The following SLC16A7 variants were observed in gnomAD, a reference collection of about 807,000 sequenced individuals.
SLC16A7 encodes the protein monocarboxylate transporter 2.
In SLC16A7, 33 loss-of-function variants were observed where a neutral mutation model predicts 34.9. That is an observed-to-expected ratio of 0.94 (90% CI 0.72 to 1.26). The LOEUF is 1.26. Ranked by LOEUF, SLC16A7 falls within the 50% of genes most tolerant of loss-of-function variation. SLC16A7 has a pLI of 0.00. For synonymous variants in SLC16A7, 201 were observed against 206.6 expected, an observed-to-expected ratio of 0.97 and a Z score of 0.23; for missense variants, 573 against 578.1, an observed-to-expected ratio of 0.99 and a Z score of 0.09.
rs369725295 is a variant in SLC16A7, at chr12:59,632,262, T to C, written c.-129-22890T>C. Among the ~76,000 whole-genome samples the C allele has an allele frequency of 9.0e-4, 137 of 152,160 alleles. 4 individuals are homozygous for C. The highest frequency in any genetic ancestry group is 3.4e-3 in the Middle Eastern group (1 of 294). ...CATCTGCTTTGACTTTTATGCACTT[T>C]TAACAAAGTATGATTTTAGATTTGT... On this transcript the variant is annotated intron_variant, in intron 1 of 5. Transcript: ENST00000547379.
intron 2 of SLC16A7, among the ~76,000 whole-genome samples, chr12:59,686,742 T>C (rs186696517): frequency 6.6e-6 from 1 of 152,264 alleles, no homozygotes; most frequent in African/African-American, 2.4e-5. Flanking sequence ...CTCTTTTCCC[T>C]GCTACATTCC....
At position 59,704,286 on chromosome 12, in the gene SLC16A7, A is replaced by T. The variant is rs1034968205; in HGVS notation, c.-30-486A>T. On this transcript the variant is annotated intron_variant, in intron 2 of 5. Coordinates refer to ENST00000547379, the MANE Select transcript of SLC16A7 (RefSeq NM_001270623.2). ...TATCTCTACAATCATCAAAAAGCGT[A>T]GACAACAGAAAGCAATAAAAAAAGC... Among the ~76,000 whole-genome samples the T allele has an allele frequency of 2.6e-5, 4 of 151,974 alleles. No homozygotes were observed. In the East Asian group the frequency reaches 7.7e-4, roughly 29 times the overall value.
At chr12:59,632,188 A>T (rs1156764374) in intron 1 of SLC16A7, among the ~76,000 whole-genome samples, 1 of 151,982 alleles carries the variant, frequency 6.6e-6, no homozygotes, top group African/African-American at 2.4e-5. Flanking sequence ...ACTTCATTGT[A>T]TACAATGTAA....
At chr12:59,697,884 TA>T (rs1424903263) in intron 2 of SLC16A7, among the ~76,000 whole-genome samples, 1 of 151,846 alleles carries the variant, frequency 6.6e-6, no homozygotes, top group African/African-American at 2.4e-5. Context: ...CAATTTCAAA[TA>T]TTTATAGCTA....
Position 59,677,059 on chromosome 12 carries a change from GTGTA to G in SLC16A7, c.-31+21813_-31+21816del, listed in dbSNP as rs755057635. Among the ~76,000 whole-genome samples, 168 of 152,162 alleles carry G rather than the reference GTGTA, an allele frequency of 1.1e-3. 1 individual carries two copies. The highest frequency in any genetic ancestry group is 2.1e-3 in the Non-Finnish European group (141 of 68,002). On this transcript the variant is annotated intron_variant, in intron 2 of 5. Transcript: ENST00000547379. ...ATGTTTTAGCCCATTGCTCGTGTGT[GTGTA>G]TGTGTTTTTTCTTATAATAGAAATA...
intron 2 of SLC16A7, among the ~76,000 whole-genome samples, chr12:59,685,199 A>T (rs1437302888): frequency 6.6e-6 from 1 of 152,188 alleles, no homozygotes; most frequent in African/African-American, 2.4e-5. Flanking sequence ...TAACTATGGG[A>T]TCATTTTTAT....
intron 3 of SLC16A7, among the ~76,000 whole-genome samples, chr12:59,751,921 C>T (rs1029104414): frequency 1.7e-4 from 26 of 152,252 alleles, no homozygotes; most frequent in Admixed American, 1.2e-3. Context: ...TCCAGAGGAA[C>T]GATCAGACAG....
At chr12:59,705,636 G>A (rs1279980476) in intron 3 of SLC16A7, among the ~76,000 whole-genome samples, 1 of 152,094 alleles carries the variant, frequency 6.6e-6, no homozygotes, top group Non-Finnish European at 1.5e-5. Context: ...AGAAATCAAA[G>A]TACCATCCCA....
intron 2 of SLC16A7, among the ~76,000 whole-genome samples, chr12:59,671,105 C>A (rs538904858): frequency 6.6e-6 from 1 of 152,292 alleles, no homozygotes; most frequent in African/African-American, 2.4e-5. Flanking sequence ...AAATCTGCAT[C>A]TCTATTCCTG....
rs1470472950 is a variant in SLC16A7, at chr12:59,775,061, A to G, written c.766A>G (p.Ile256Val). Reference protein sequence around the residue: ...GFLIYLSGNVIMFLGFFAPII... With the variant: ...GFLIYLSGNVVMFLGFFAPII... ...TCTGATATATCTGTCTGGAAATGTC[A>G]TTATGTTCCTAGGTTTTTTTGCCCC... Residue 256 changes from isoleucine to valine, a missense_variant, in exon 5 of 6, where the codon ATT becomes GTT. By Grantham distance (29) the Ile-to-Val change is conservative. Coordinates refer to ENST00000547379, the MANE Select transcript of SLC16A7 (RefSeq NM_001270623.2). The G allele has an allele frequency of 1.9e-6, 3 of 1,614,084 alleles. No homozygotes were observed. The highest frequency in any genetic ancestry group is 1.7e-5 in the Admixed American group (1 of 59,992).
chr12:59,729,638 G>T (rs1876700410), intron 3 of SLC16A7, among the ~76,000 whole-genome samples: 1 of 152,068 alleles, frequency 6.6e-6, no homozygotes, highest in African/African-American at 2.4e-5. Context: ...TGCATAGATA[G>T]GTGATTTTGT....
intron 2 of SLC16A7, among the ~76,000 whole-genome samples, chr12:59,683,802 C>T (rs1419195947): frequency 3.3e-5 from 5 of 152,042 alleles, no homozygotes; most frequent in Admixed American, 1.3e-4. Context: ...TTTATGAGAA[C>T]CCACATATGT....
chr12:59,660,146 A>C (rs1169316245), intron 2 of SLC16A7, among the ~76,000 whole-genome samples: 1 of 151,368 alleles, frequency 6.6e-6, no homozygotes, highest in East Asian at 1.9e-4. Context: ...AATCCTTTAG[A>C]TTTTTTTTTA....
intron 3 of SLC16A7, among the ~76,000 whole-genome samples, chr12:59,722,986 AT>A (rs1875789093): frequency 6.6e-6 from 1 of 151,892 alleles, no homozygotes; most frequent in Non-Finnish European, 1.5e-5. Flanking sequence ...TTTAATTTAA[AT>A]TTTAAAAACC....
chr12:59,700,352 GTC>G (rs1183772982), intron 2 of SLC16A7, among the ~76,000 whole-genome samples: 1 of 151,332 alleles, frequency 6.6e-6, no homozygotes, highest in African/African-American at 2.4e-5. Context: ...AGATTTATAA[GTC>G]TATGTGCATC....
chr12:59,728,592 G>C (rs552922392), intron 3 of SLC16A7, among the ~76,000 whole-genome samples: 1 of 152,304 alleles, frequency 6.6e-6, no homozygotes, highest in African/African-American at 2.4e-5. Flanking sequence ...GAGCGTGGTG[G>C]AGCATGGCTA....
intron 1 of SLC16A7, among the ~76,000 whole-genome samples, chr12:59,618,096 G>T (rs1879536328): frequency 6.6e-6 from 1 of 151,708 alleles, no homozygotes; most frequent in African/African-American, 2.4e-5. Flanking sequence ...CAGGAATAGT[G>T]AATATTGAAA....
At chr12:59,754,751 A>C (rs1378350387) in intron 3 of SLC16A7, among the ~76,000 whole-genome samples, 1 of 152,236 alleles carries the variant, frequency 6.6e-6, no homozygotes, top group Non-Finnish European at 1.5e-5. Flanking sequence ...TCCCTAACTC[A>C]TTTTATGAGG....
chr12:59,679,427 C>T (rs1054341599), intron 2 of SLC16A7, among the ~76,000 whole-genome samples: 5 of 152,198 alleles, frequency 3.3e-5, no homozygotes, highest in Admixed American at 2.0e-4. Flanking sequence ...CCTATTACTA[C>T]TCCCAATTTC....
Sources: allele counts gnomAD v4.1 joint callset (sites outside exome capture counted in the v4.1 genomes callset), GRCh38; gene constraint gnomAD v4.1.1; transcripts MANE v1.5; gene names NCBI Gene and HGNC (gene_info 2026-07-23, HGNC 2026-07-21).